The following CFAP299 variants were observed in gnomAD, a reference collection of about 807,000 sequenced individuals.
The protein encoded by CFAP299 is cilia and flagella associated protein 299.
Under a neutral mutation model 27.0 loss-of-function variants are expected in CFAP299, and 21 were observed. The observed-to-expected ratio is 0.78, with a 90% CI of 0.55 to 1.12. CFAP299 has a LOEUF of 1.12. CFAP299 is among the 50% of genes most tolerant of loss of function. The pLI is 0.00. For synonymous variants in CFAP299, 104 were observed against 98.1 expected, an observed-to-expected ratio of 1.06 and a Z score of -0.36; for missense variants, 310 against 276.6, an observed-to-expected ratio of 1.12 and a Z score of -0.86.
At chr4:80,800,286 T>G (rs1022564622) in intron 3 of CFAP299, among the ~76,000 whole-genome samples, 19 of 74,762 alleles carry the variant, frequency 2.5e-4, no homozygotes, top group African/African-American at 9.0e-4. Flanking sequence ...TAATATATAA[T>G]ATATTAATAT....
At chr4:80,959,870 G>T (rs1189068657) in intron 5 of CFAP299, among the ~76,000 whole-genome samples, 1 of 151,264 alleles carries the variant, frequency 6.6e-6, no homozygotes, top group Non-Finnish European at 1.5e-5. Flanking sequence ...ATAAGATCAG[G>T]GTACCAGAGA....
At chr4:80,930,844 C>T (rs934502749) in intron 4 of CFAP299, among the ~76,000 whole-genome samples, 3 of 152,118 alleles carry the variant, frequency 2.0e-5, no homozygotes, top group African/African-American at 7.2e-5. Context: ...AATCCCACCC[C>T]TTTTCCTGGA....
chr4:80,737,323 TG>T (rs1248347988), intron 3 of CFAP299, among the ~76,000 whole-genome samples: 1 of 150,740 alleles, frequency 6.6e-6, no homozygotes, highest in Non-Finnish European at 1.5e-5. Flanking sequence ...TAATAATAAA[TG>T]AAAAAAAAAT....
At chr4:80,664,116 G>T (rs894595743) in intron 3 of CFAP299, among the ~76,000 whole-genome samples, 1 of 152,112 alleles carries the variant, frequency 6.6e-6, no homozygotes, top group African/African-American at 2.4e-5. Context: ...TTCTTTTGCT[G>T]TGCAGAAGCT....
intron 3 of CFAP299, among the ~76,000 whole-genome samples, chr4:80,849,184 AT>A (rs926689594): frequency 9.9e-5 from 15 of 151,986 alleles, no homozygotes; most frequent in Non-Finnish European, 1.2e-4. Context: ...ATTTTTTATT[AT>A]TTTTTCTTTA....
At chr4:80,942,226 A>G (rs1294735616) in intron 4 of CFAP299, among the ~76,000 whole-genome samples, 2 of 152,186 alleles carry the variant, frequency 1.3e-5, no homozygotes, top group Non-Finnish European at 2.9e-5. Context: ...CAGCAGTCAT[A>G]TATGCTACAG....
the CFAP299 span, among the ~76,000 whole-genome samples, chr4:80,326,280 C>T: frequency 7.9e-5 from 12 of 151,986 alleles, no homozygotes; most frequent in African/African-American, 2.7e-4. Flanking sequence ...TGTCTGTATC[C>T]TATAATACAG....
chr4:80,447,474 C>T (rs1331267257), intron 2 of CFAP299, among the ~76,000 whole-genome samples: 1 of 151,218 alleles, frequency 6.6e-6, no homozygotes, highest in Non-Finnish European at 1.5e-5. Flanking sequence ...GCTCTGTCAC[C>T]CAGGATGGAG....
intron 1 of CFAP299, among the ~76,000 whole-genome samples, chr4:80,348,919 G>T (rs887294853): frequency 8.5e-5 from 13 of 152,182 alleles, no homozygotes; most frequent in African/African-American, 3.1e-4. Context: ...AGACATGAGT[G>T]CACATAATTT....
chr4:80,669,593 G>C (rs1346398373), intron 3 of CFAP299, among the ~76,000 whole-genome samples: 2 of 147,336 alleles, frequency 1.4e-5, no homozygotes, highest in African/African-American at 5.0e-5. Flanking sequence ...TTTTTTGGTA[G>C]AGTCTTTAGG....
At chr4:80,464,768 A>C (rs927132869) in intron 2 of CFAP299, among the ~76,000 whole-genome samples, 2 of 152,126 alleles carry the variant, frequency 1.3e-5, no homozygotes, top group Non-Finnish European at 2.9e-5. Context: ...GTACCTTGTC[A>C]TAATATTTTG....
chr4:80,633,046 T>C (rs1739290126), intron 3 of CFAP299, among the ~76,000 whole-genome samples: 1 of 152,252 alleles, frequency 6.6e-6, no homozygotes, highest in African/African-American at 2.4e-5. Flanking sequence ...TTTTCTTCTC[T>C]TTAAAATGCC....
chr4:80,529,172 T>C (rs1161119506), intron 2 of CFAP299, among the ~76,000 whole-genome samples: 2 of 152,152 alleles, frequency 1.3e-5, no homozygotes, highest in Non-Finnish European at 2.9e-5. Context: ...TCCTTCAAGC[T>C]CCAGATAATC....
chr4:80,696,011 A>G (rs1721065030), intron 3 of CFAP299, among the ~76,000 whole-genome samples: 1 of 152,052 alleles, frequency 6.6e-6, no homozygotes, highest in Non-Finnish European at 1.5e-5. Context: ...TTTTTAAAAG[A>G]GAAGTAGAGG....
chr4:80,798,505 AC>A (rs1728001525), intron 3 of CFAP299, among the ~76,000 whole-genome samples: 1 of 152,104 alleles, frequency 6.6e-6, no homozygotes, highest in African/African-American at 2.4e-5. Context: ...CAATGCCCTC[AC>A]TTTAACAGCA....
At chr4:80,426,302 A>G (rs1727525863) in intron 2 of CFAP299, among the ~76,000 whole-genome samples, 1 of 152,126 alleles carries the variant, frequency 6.6e-6, no homozygotes. Context: ...TATTTACTAT[A>G]TATGCTAATA....
At chr4:80,529,278 G>A (rs1486424298) in intron 2 of CFAP299, among the ~76,000 whole-genome samples, 1 of 151,830 alleles carries the variant, frequency 6.6e-6, no homozygotes, top group African/African-American at 2.4e-5. Context: ...TCCTTTCCTG[G>A]CAATAAATAT....
chr4:80,541,456 A>T, intron 2 of CFAP299, among the ~76,000 whole-genome samples: 1 of 152,232 alleles, frequency 6.6e-6, no homozygotes. Context: ...ATGCAGTATT[A>T]TATATCATTT....
chr4:80,935,112 G>A (rs776520183), intron 4 of CFAP299, among the ~76,000 whole-genome samples: 2 of 151,546 alleles, frequency 1.3e-5, no homozygotes, highest in Non-Finnish European at 2.9e-5. Context: ...TTAGCTTTTG[G>A]TTTCTTCCTT....
Sources: allele counts gnomAD v4.1 joint callset (sites outside exome capture counted in the v4.1 genomes callset), GRCh38; gene constraint gnomAD v4.1.1; transcripts MANE v1.5; gene names NCBI Gene and HGNC (gene_info 2026-07-23, HGNC 2026-07-21).